Variants in GFI1 observed in about 807,000 individuals in gnomAD.
GFI1 encodes zinc finger protein Gfi-1.
A neutral mutation model predicts 39.2 loss-of-function variants in GFI1; 15 were observed. That is an observed-to-expected ratio of 0.38 (90% confidence interval 0.26 to 0.59). GFI1 has a LOEUF of 0.59. Ranked by LOEUF, GFI1 falls within the 20% of genes least tolerant of loss-of-function variation. The pLI is 0.62. For missense variants in GFI1, 475 were observed against 574.0 expected (o/e 0.83, Z 1.76); for synonymous variants, 239 against 254.3 (o/e 0.94, Z 0.57).
rs1163325407 is a variant in GFI1 at position 92,482,319 on chromosome 1, A to T, written c.298+545T>A. ...GGATTGCTCGCTGGAAATGAAACCC[A>T]GAGAGCAGGCCCCTGAGGCTAGGTT... On this transcript the variant is annotated intron_variant, in intron 3 of 6. Transcript: ENST00000294702. The surrounding 1 kb of genome is among the most constrained non-coding windows in gnomAD (Gnocchi z 4.4). 6.6e-6 allele frequency among the ~76,000 whole-genome samples: 1 copy of T among 152,090 alleles called. No homozygotes were observed. Among genetic ancestry groups the T allele is most frequent in the East Asian group, 1.9e-4 (1 of 5,182 alleles).
chr1:92,480,289 C>T lies in GFI1; in HGVS notation c.924+59G>A. 2 of 1,522,850 alleles carry T rather than the reference C, an allele frequency of 1.3e-6. No individual in the cohort carries two copies. Among genetic ancestry groups the T allele is most frequent in the East Asian group, 2.5e-5 (1 of 40,752 alleles). 94.3% of individuals were successfully genotyped at this position (1,522,850 alleles called of 1,614,324 possible). On this transcript the variant is annotated intron_variant, in intron 5 of 6. Coordinates refer to ENST00000294702, the MANE Select transcript of GFI1 (RefSeq NM_005263.5). The surrounding 1 kb of genome is among the most constrained non-coding windows in gnomAD (Gnocchi z 5.6). ...AGGCAGAGAGTGGCTGGTGCTGCACCGAGGAGATGCAGAAGATCCCCGAGC... is the reference window on the plus strand; with the variant it reads ...AGGCAGAGAGTGGCTGGTGCTGCACTGAGGAGATGCAGAAGATCCCCGAGC...
At chr1:92,486,287 G>T (rs1201758084) in intron 1 of GFI1, among the ~76,000 whole-genome samples, 1 of 152,200 alleles carries the variant, frequency 6.6e-6, no homozygotes, top group African/African-American at 2.4e-5. Context: ...CGTCCCGCGC[G>T]CCCCTTAGTA....
Position 92,476,012 on chromosome 1 carries a change from G to T in GFI1, c.*17C>A. On this transcript the variant is annotated 3_prime_UTR_variant, in exon 7 of 7. Transcript: ENST00000294702. ...CTGTAGTGTTGTGTAGCTGCTGCTTGCAGCCAGCCAGGGTGCTCATTTGAG... is the reference window on the plus strand; with the variant it reads ...CTGTAGTGTTGTGTAGCTGCTGCTTTCAGCCAGCCAGGGTGCTCATTTGAG... 6.2e-7 allele frequency: 1 copy of T among 1,612,652 alleles called. No homozygotes were observed. The highest frequency in any genetic ancestry group is 1.7e-5 in the Admixed American group (1 of 59,938).
At chr1:92,483,799 CA>C (rs1393868454) in intron 1 of GFI1, 6 of 427,098 alleles carry the variant, frequency 1.4e-5, no homozygotes, top group Non-Finnish European at 2.6e-5. Flanking sequence ...TGACACAGCT[CA>C]GCGGTAAAAC....
intron 1 of GFI1, chr1:92,483,904 A>G: frequency 3.0e-6 from 1 of 331,084 alleles, no homozygotes; most frequent in Non-Finnish European, 6.0e-6. Flanking sequence ...CCGGCAATCA[A>G]ACTCCCTGGA....
chr1:92,483,365 C>A lies in GFI1; in HGVS notation c.115+8G>T, dbSNP rs774875013. On this transcript the variant is annotated splice_region_variant and intron_variant, in intron 2 of 6. Transcript: ENST00000294702. ...AGCAGCCCCGCCTGGCCCGCGCGCGCCTCGCACCTGCTCGGCTAGGCGCCG... is the reference window on the plus strand; with the variant it reads ...AGCAGCCCCGCCTGGCCCGCGCGCGACTCGCACCTGCTCGGCTAGGCGCCG... The A allele has an allele frequency of 6.5e-7, 1 of 1,546,440 alleles. No individual in the cohort carries two copies. The highest frequency in any genetic ancestry group is 8.9e-7 in the Non-Finnish European group (1 of 1,121,052).
intron 6 of GFI1, 69 bp downstream of exon 6, chr1:92,478,519 G>T: frequency 7.3e-7 from 1 of 1,374,372 alleles, no homozygotes; most frequent in Non-Finnish European, 1.0e-6. Context: ...ACTGGGGCCA[G>T]AAATCAGAGA....
rs1026606429 is a variant in GFI1 at position 92,483,375 on chromosome 1, G to C, written c.113C>G (p.Ala38Gly). The change falls in exon 2 of 7, where the codon GCA becomes GGA. Residue 38 changes from alanine to glycine, a missense_variant and splice_region_variant. Ala to Gly is a moderately conservative substitution (Grantham distance 60). Transcript: ENST00000294702. ...CCTGGCCCGCGCGCGCCTCGCACCT[G>C]CTCGGCTAGGCGCCGGTACATTCTC... ...RLENVPAPSR[A>G]DSTSNAGGAK... 8 of 1,589,666 alleles carry C rather than the reference G, an allele frequency of 5.0e-6. No individual in the cohort carries two copies. The Admixed American group carries it at 1.3e-4, about 27-fold the overall frequency.
rs374689747 is a variant in GFI1, at chr1:92,483,166, C to T, written c.116-120G>A. 6.3e-4 allele frequency: 618 copies of T among 977,058 alleles called. 6 individuals carry two copies. In the African/African-American group the frequency reaches 9.3e-3, roughly 15 times the overall value. The allele number at this position is 977,058 out of a possible 1,614,324, so 60.5% of individuals were successfully genotyped here. A position where few individuals can be genotyped will look rare whatever the true frequency, so the allele number is the denominator to read the frequency against. On this transcript the variant is annotated intron_variant, in intron 2 of 6. Coordinates refer to ENST00000294702, the MANE Select transcript of GFI1 (RefSeq NM_005263.5). ...CGTCTTCCCCTCTCCACCCAGACCC[C>T]GGCCGGGAACCCTCTCGGATCCGAG...
chr1:92,483,896 G>C lies in GFI1; in HGVS notation c.-99-310C>G, dbSNP rs144129995. 1.9e-3 allele frequency: 637 copies of C among 336,916 alleles called. 4 individuals carry two copies. The highest frequency in any genetic ancestry group is 0.012 in the African/African-American group (539 of 46,704). The allele number at this position is 336,916 out of a possible 1,614,324, so 20.9% of individuals were successfully genotyped here. A position where few individuals can be genotyped will look rare whatever the true frequency, so the allele number is the denominator to read the frequency against. ...CCCCTTTCCTAGCGAAGCTCGCTCC[G>C]GCAATCAAACTCCCTGGAGAGCTGT... On this transcript the variant is annotated intron_variant, in intron 1 of 6. Coordinates refer to ENST00000294702, the MANE Select transcript of GFI1 (RefSeq NM_005263.5).
Position 92,475,881 on chromosome 1 carries a change from G to A in GFI1, c.*148C>T. 1 of 729,498 alleles carries A rather than the reference G, an allele frequency of 1.4e-6. No individual in the cohort carries two copies. The highest frequency in any genetic ancestry group is 2.4e-6 in the Non-Finnish European group (1 of 419,258). 45.2% of individuals were successfully genotyped at this position (729,498 alleles called of 1,614,324 possible). On this transcript the variant is annotated 3_prime_UTR_variant, in exon 7 of 7. Transcript: ENST00000294702. ...GGCAGCTCCAGGAGGTAAGGCGAAG[G>A]AGGAGCAACCTGGTAGGATCTGCAG...
Position 92,480,707 on chromosome 1 carries a change from T to A in GFI1, c.680A>T (p.His227Leu). The A allele has an allele frequency of 6.3e-7, 1 of 1,596,180 alleles. No individual in the cohort carries two copies. The highest frequency in any genetic ancestry group is 1.1e-5 in the South Asian group (1 of 89,610). The part of the protein sequence containing the change: ...AAGLLYPERG[H>L]GLHADKGAGV... ...AGCGCCCTTGTCTGCGTGCAGCCCGTGGCCACGCTCGGGGTACAGCAAGCC... is the reference window on the plus strand; with the variant it reads ...AGCGCCCTTGTCTGCGTGCAGCCCGAGGCCACGCTCGGGGTACAGCAAGCC... The change falls in exon 4 of 7, where the codon CAC (histidine) becomes CTC (leucine). Residue 227 changes from histidine (H) to leucine (L), a missense_variant. His to Leu is a moderately conservative substitution (Grantham distance 99). This residue lies in a region of GFI1 where 79 missense variants were observed against 68.4 expected (regional missense o/e 1.15). Coordinates refer to ENST00000294702, the MANE Select transcript of GFI1 (RefSeq NM_005263.5). This position sits in a 1 kb window ranked among gnomAD's most constrained non-coding sequence, Gnocchi z 5.6.
At position 92,484,958 on chromosome 1, in the gene GFI1, T is replaced by A. The variant is rs79160953; in HGVS notation, c.-99-1372A>T. ...ACTGCCGGACTAGGAGCCCCTCGGC[T>A]TCCTAGGCAAGATGCAGGCCACACA... On this transcript the variant is annotated intron_variant, in intron 1 of 6. Transcript: ENST00000294702. The surrounding 1 kb of genome is among the most constrained non-coding windows in gnomAD (Gnocchi z 4.1). Among the ~76,000 whole-genome samples, 10,540 of 152,282 alleles carry A rather than the reference T, an allele frequency of 0.069. 477 individuals are homozygous for A. The highest frequency in any genetic ancestry group is 0.1 in the Non-Finnish European group (6,918 of 67,992).
intron 6 of GFI1, 41 bp downstream of exon 6, chr1:92,478,547 C>T: frequency 6.4e-7 from 1 of 1,572,680 alleles, no homozygotes; most frequent in Non-Finnish European, 8.8e-7. Flanking sequence ...TAATGTTGGC[C>T]TCAGGGTGTT....
At position 92,473,539 on chromosome 1, in the gene GFI1, G is replaced by A. The variant is rs148582342; in HGVS notation, c.*2490C>T. On this transcript the variant is annotated 3_prime_UTR_variant, in exon 7 of 7. Transcript: ENST00000294702. ...TCTTAAACTCCATTACAGAGTAAAC[G>A]AATTTAAATTCTGAATGAGAGTAAA... 3.3e-5 allele frequency among the ~76,000 whole-genome samples: 5 copies of A among 152,292 alleles called. No homozygotes were observed. The highest frequency in any genetic ancestry group is 5.9e-5 in the Non-Finnish European group (4 of 68,024).
chr1:92,485,807 C>A (rs1299628744), intron 1 of GFI1, among the ~76,000 whole-genome samples: 2 of 152,246 alleles, frequency 1.3e-5, no homozygotes, highest in Non-Finnish European at 2.9e-5. Context: ...CCGCCTGCTG[C>A]GCGCCCCCAG....
At position 92,481,174 on chromosome 1, in the gene GFI1, C is replaced by A. The variant is rs1207878848; in HGVS notation, c.299-86G>T. ...GCTGCGGCTGCGAGCGTGGCGTGTT[C>A]GCGGACTGCGGGGCACCCAGCGCTT... is the stretch of plus-strand genomic sequence containing the variant. On this transcript the variant is annotated intron_variant, in intron 3 of 6. Transcript: ENST00000294702. This position sits in a 1 kb window ranked among gnomAD's most constrained non-coding sequence, Gnocchi z 4.3. 8.4e-7 allele frequency: 1 copy of A among 1,195,398 alleles called. No individual in the cohort carries two copies. Among genetic ancestry groups the A allele is most frequent in the Non-Finnish European group, 1.2e-6 (1 of 828,294 alleles). 74.0% of individuals were successfully genotyped at this position (1,195,398 alleles called of 1,614,324 possible).
Position 92,480,356 on chromosome 1 carries a change from G to T in GFI1, c.916C>A (p.His306Asn). 1 of 1,549,556 alleles carries T rather than the reference G, an allele frequency of 6.5e-7. No individual in the cohort carries two copies. Among genetic ancestry groups the T allele is most frequent in the Non-Finnish European group, 8.7e-7 (1 of 1,146,634 alleles). The stretch of plus-strand genomic sequence containing the variant: ...GTGCGCCCCGCGCTTACCTGCGAGT[G>T]CACGGCTTTGTGCTGCTCCAGGCTC... ...AVSLEQHKAV[H>N]SQERSFDCKI... is the part of the protein sequence containing the mutation. The change falls in exon 5 of 7, where the codon CAC becomes AAC. Residue 306 changes from histidine to asparagine, a missense_variant. By Grantham distance (68) the His-to-Asn change is moderately conservative (BLOSUM62 1). Transcript: ENST00000294702. The surrounding 1 kb of genome is among the most constrained non-coding windows in gnomAD (Gnocchi z 5.6).
Position 92,482,940 on chromosome 1 carries a change from G to GCTGTCTGGGGATGCGGAGGCT in GFI1, c.201_221dup (p.Arg67_Asp73dup), listed in dbSNP as rs759646696. The GCTGTCTGGGGATGCGGAGGCT allele has an allele frequency of 3.2e-5, 52 of 1,613,936 alleles. No homozygotes were observed. The Middle Eastern group carries it at 8.3e-4, about 26-fold the overall frequency. On this transcript the variant is annotated inframe_insertion, in exon 3 of 7. Transcript: ENST00000294702. This position sits in a 1 kb window ranked among gnomAD's most constrained non-coding sequence, Gnocchi z 4.4. ...TCCGTTCGCAGACGCTGCCTTCGCA[G>GCTGTCTGGGGATGCGGAGGCT]CTGTCTGGGGATGCGGAGGCTCTGT...
Sources: gnomAD v4.1 joint callset for allele counts (sites outside exome capture counted in the v4.1 genomes callset) on GRCh38, gnomAD v4.1.1 for gene constraint, gnomAD v4.1.1 regional missense constraint, Gnocchi (gnomAD v3.1) non-coding constraint, MANE v1.5 for transcripts, NCBI Gene and HGNC (gene_info 2026-07-23, HGNC 2026-07-21) for gene names.